The following MTA3 variants were observed in gnomAD, a reference collection of about 807,000 sequenced individuals.
The protein encoded by MTA3 is metastasis-associated protein MTA3.
In MTA3, 34 loss-of-function variants were observed where a neutral mutation model predicts 83.5. The observed-to-expected ratio is 0.41, with a 90% CI of 0.31 to 0.54. The LOEUF is 0.54. Ranked by LOEUF, MTA3 falls within the 20% of genes least tolerant of loss-of-function variation. The probability of loss-of-function intolerance (pLI) is 0.33; values close to 1 mark genes in which losing one functional copy is unlikely to be tolerated. For missense variants in MTA3, 761 were observed against 726.4 expected (o/e 1.05, Z -0.55); for synonymous variants, 303 against 252.7 (o/e 1.20, Z -1.89).
intron 4 of MTA3, among the ~76,000 whole-genome samples, chr2:42,624,929 T>C (rs1685929505): frequency 6.6e-6 from 1 of 152,224 alleles, no homozygotes; most frequent in South Asian, 2.1e-4. Context: ...CTGAAATCTT[T>C]TTAGAATTTT....
intron 2 of MTA3, among the ~76,000 whole-genome samples, chr2:42,555,615 A>AG (rs1288286843): frequency 3.3e-5 from 5 of 150,408 alleles, no homozygotes; most frequent in African/African-American, 9.8e-5. Flanking sequence ...AAAAAAAAAA[A>AG]AAATTAGCCA....
At chr2:42,616,593 T>A (rs1684925138) in intron 4 of MTA3, among the ~76,000 whole-genome samples, 1 of 141,146 alleles carries the variant, frequency 7.1e-6, no homozygotes, top group African/African-American at 2.7e-5. Context: ...TTTTTTTTTT[T>A]TTTGAGACAG....
chr2:42,610,982 CT>C lies in MTA3; in HGVS notation c.317+1415del, dbSNP rs773889459. 4.6e-3 allele frequency among the ~76,000 whole-genome samples: 628 copies of C among 135,970 alleles called. 1 individual carries two copies. The highest frequency in any genetic ancestry group is 0.013 in the African/African-American group (480 of 36,874). The allele number at this position is 135,970 out of a possible 152,430, so 89.2% of individuals were successfully genotyped here. A position where few individuals can be genotyped will look rare whatever the true frequency, so the allele number is the denominator to read the frequency against. ...TAAAATGCATTATTTCTTTTCTTTT[CT>C]TTTTTTTTTTTTTTTTGAGACGGAG... is the stretch of plus-strand genomic sequence containing the variant. On this transcript the variant is annotated intron_variant, in intron 4 of 16. Transcript: ENST00000405094.
chr2:42,589,206 G>A (rs1680684229), intron 3 of MTA3, among the ~76,000 whole-genome samples: 1 of 152,114 alleles, frequency 6.6e-6, no homozygotes, highest in African/African-American at 2.4e-5. Flanking sequence ...GAAAGTTGAA[G>A]TAATGAAGTA....
At chr2:42,558,235 G>A (rs753911977) in intron 2 of MTA3, among the ~76,000 whole-genome samples, 3 of 149,944 alleles carry the variant, frequency 2.0e-5, no homozygotes, top group Non-Finnish European at 4.4e-5. Context: ...AATCACCTGA[G>A]GACTTTTTTT....
intron 3 of MTA3, among the ~76,000 whole-genome samples, chr2:42,594,728 A>ATATAT: frequency 2.9e-4 from 7 of 24,040 alleles, no homozygotes; most frequent in African/African-American, 1.6e-3. Context: ...ATATATATAT[A>ATATAT]TTTTTTTTTT....
intron 15 of MTA3, among the ~76,000 whole-genome samples, chr2:42,722,016 T>C (rs1667447612): frequency 6.6e-6 from 1 of 152,114 alleles, no homozygotes; most frequent in Non-Finnish European, 1.5e-5. Flanking sequence ...TAAATTCCAG[T>C]AAATAAGGGT....
upstream of MTA3, among the ~76,000 whole-genome samples, chr2:42,564,689 G>C (rs1362589779): frequency 9.2e-5 from 14 of 152,130 alleles, no homozygotes; most frequent in Admixed American, 9.2e-4. Context: ...CTGGCCTCTG[G>C]TTTCAGATTA....
At chr2:42,655,448 A>G (rs536463593) in intron 6 of MTA3, among the ~76,000 whole-genome samples, 2 of 152,204 alleles carry the variant, frequency 1.3e-5, no homozygotes, top group Admixed American at 6.5e-5. Context: ...CAGAAGTGCC[A>G]TCTCCTTCAT....
In MTA3 at chr2:42,747,651, A is replaced by G. The variant is rs115626018; in HGVS notation, c.1760-5723A>G. 9.7e-3 allele frequency among the ~76,000 whole-genome samples: 1,476 copies of G among 151,762 alleles called. 20 individuals carry two copies. Among genetic ancestry groups the G allele is most frequent in the African/African-American group, 0.034 (1,414 of 41,438 alleles). On this transcript the variant is annotated intron_variant, in intron 16 of 16. Coordinates refer to ENST00000405094, the MANE Select transcript of MTA3 (RefSeq NM_001330442.2). ...TGCTTGTTACACTGTTGGGGCACTT[A>G]AAGCCTCAAGAGCAGGCCTCAGAAA...
intron 2 of MTA3, among the ~76,000 whole-genome samples, chr2:42,575,474 A>C (rs1165183930): frequency 2.0e-5 from 3 of 152,224 alleles, no homozygotes; most frequent in Non-Finnish European, 2.9e-5. Flanking sequence ...ACTATTTACA[A>C]ACTGCTTTGA....
At chr2:42,625,358 T>A (rs1558515843) in intron 4 of MTA3, among the ~76,000 whole-genome samples, 1 of 151,674 alleles carries the variant, frequency 6.6e-6, no homozygotes, top group Non-Finnish European at 1.5e-5. Flanking sequence ...CATTTTTCTT[T>A]TTTTCCCTTT....
chr2:42,746,992 C>A (rs1341663466), intron 16 of MTA3, among the ~76,000 whole-genome samples: 3 of 150,348 alleles, frequency 2.0e-5, no homozygotes, highest in Non-Finnish European at 4.4e-5. Flanking sequence ...CTTGTCTGTT[C>A]AGGTTCTAAT....
intron 8 of MTA3, among the ~76,000 whole-genome samples, chr2:42,675,673 C>T (rs947274159): frequency 6.6e-6 from 1 of 152,192 alleles, no homozygotes; most frequent in Non-Finnish European, 1.5e-5. Flanking sequence ...TCAAACTTCT[C>T]TGGCATTTCA....
intron 3 of MTA3, among the ~76,000 whole-genome samples, chr2:42,601,032 G>A (rs111660804): frequency 0.01 from 1,552 of 151,986 alleles, 9 homozygotes; most frequent in Non-Finnish European, 0.014. Flanking sequence ...TCAGCCTCCC[G>A]AGTAGCTGGG....
At chr2:42,526,175 G>T (rs576744928) in intron 2 of MTA3, among the ~76,000 whole-genome samples, 45 of 152,094 alleles carry the variant, frequency 3.0e-4, no homozygotes, top group Admixed American at 7.9e-4. Context: ...CCAGAGAAAG[G>T]CCGGTACAGG....
At chr2:42,578,765 T>C (rs987199717) in intron 2 of MTA3, among the ~76,000 whole-genome samples, 4 of 152,200 alleles carry the variant, frequency 2.6e-5, no homozygotes, top group African/African-American at 4.8e-5. Context: ...TTCTTTCTCT[T>C]TTGTTTTTTT....
intron 3 of MTA3, among the ~76,000 whole-genome samples, chr2:42,588,432 T>A (rs906774206): frequency 3.3e-5 from 5 of 152,340 alleles, no homozygotes; most frequent in Admixed American, 2.6e-4. Flanking sequence ...TCTTTGTTCT[T>A]CTCAACTGTG....
rs1667226511 is a variant in MTA3 at position 42,719,024 on chromosome 2, T to C, written c.1562T>C (p.Leu521Pro). Residue 521 changes from leucine (L) to proline (P), a missense_variant, in exon 15 of 17, where the codon CTG (leucine) becomes CCG (proline). Coordinates refer to ENST00000405094, the MANE Select transcript of MTA3 (RefSeq NM_001330442.2). ...DRHAELSGSP[L>P]KSKSTRKPLA... ...CATGCTGAACTATCTGGAAGTCCAC[T>C]GAAAAGCAAAAGCACTAGGAAGCCT... is the stretch of plus-strand genomic sequence containing the variant. 3 of 1,550,378 alleles carry C rather than the reference T, an allele frequency of 1.9e-6. No homozygotes were observed. The highest frequency in any genetic ancestry group is 1.2e-5 in the South Asian group (1 of 84,062).
Sources: gnomAD v4.1 joint callset for allele counts (sites outside exome capture counted in the v4.1 genomes callset) on GRCh38, gnomAD v4.1.1 for gene constraint, MANE v1.5 for transcripts, NCBI Gene and HGNC (gene_info 2026-07-23, HGNC 2026-07-21) for gene names.